The following ASTN2 variants were observed in gnomAD, a reference collection of about 807,000 sequenced individuals.
ASTN2 encodes the protein astrotactin-2.
ASTN2 carries 54 observed loss-of-function variants against 139.8 expected under a neutral mutation model. The observed-to-expected ratio is 0.39, with a 90% CI of 0.31 to 0.48. ASTN2 has a LOEUF of 0.48. ASTN2 is among the 20% of genes least tolerant of loss of function. ASTN2 has a pLI of 0.95. For missense variants in ASTN2, 1,565 were observed against 1,725.1 expected (o/e 0.91, Z 1.64); for synonymous variants, 756 against 719.5 (o/e 1.05, Z -0.81).
intron 5 of ASTN2, among the ~76,000 whole-genome samples, chr9:117,066,569 T>C (rs1251027932): frequency 6.6e-6 from 1 of 150,536 alleles, no homozygotes. Flanking sequence ...GTATTTCTAG[T>C]TCTAGATCCC....
At chr9:117,299,803 T>C (rs1834831703) in intron 1 of ASTN2, among the ~76,000 whole-genome samples, 1 of 152,158 alleles carries the variant, frequency 6.6e-6, no homozygotes, top group African/African-American at 2.4e-5. Context: ...GGTGAATGGG[T>C]GAATGGATGG....
At chr9:116,565,580 C>T (rs561475823) in intron 19 of ASTN2, among the ~76,000 whole-genome samples, 2 of 150,872 alleles carry the variant, frequency 1.3e-5, no homozygotes, top group African/African-American at 4.9e-5. Context: ...GTGATCTTCC[C>T]ACCTCAGCCT....
At chr9:117,205,307 G>T (rs1245845620) in intron 3 of ASTN2, among the ~76,000 whole-genome samples, 1 of 151,440 alleles carries the variant, frequency 6.6e-6, no homozygotes, top group Non-Finnish European at 1.5e-5. Context: ...AAGGACTGAG[G>T]TCTACACATA....
Position 116,733,403 on chromosome 9 carries a change from G to A in ASTN2, c.2517C>T (p.Leu839=), listed in dbSNP as rs1291592377. 30 of 1,614,072 alleles carry A rather than the reference G, an allele frequency of 1.9e-5. No individual in the cohort carries two copies. Among genetic ancestry groups the A allele is most frequent in the Non-Finnish European group, 2.4e-5 (28 of 1,179,982 alleles). Reference sequence around the variant, plus strand: ...GGTCTGGCACATGTGTCTTACCAGTGAGCAGTTGGAGGTCTGGAAGGGGCT... The same window carrying A: ...GGTCTGGCACATGTGTCTTACCAGTAAGCAGTTGGAGGTCTGGAAGGGGCT... ...LSEPLPDLQL[L]TGDIRYDEAM... is the part of the protein sequence containing the mutation. The change falls in exon 14 of 23, where the codon CTC becomes CTT. Residue 839 remains leucine, a synonymous_variant. Coordinates refer to ENST00000313400, the MANE Select transcript of ASTN2 (RefSeq NM_001365068.1).
chr9:117,121,438 C>T (rs73529089), intron 4 of ASTN2, among the ~76,000 whole-genome samples: 10,476 of 152,272 alleles, frequency 0.069, 630 homozygotes, highest in East Asian at 0.18. Context: ...TCACAGCTCA[C>T]ACCTCCAGGA....
intron 21 of ASTN2, among the ~76,000 whole-genome samples, chr9:116,441,010 G>A (rs1847824453): frequency 6.6e-6 from 1 of 152,094 alleles, no homozygotes; most frequent in Non-Finnish European, 1.5e-5. Flanking sequence ...AGGTGCATTG[G>A]GAGAGCTAAA....
At position 116,550,419 on chromosome 9, in the gene ASTN2, A is replaced by T. The variant is rs541191524; in HGVS notation, c.3356-62919T>A. On this transcript the variant is annotated intron_variant, in intron 19 of 22. Coordinates refer to ENST00000313400, the MANE Select transcript of ASTN2 (RefSeq NM_001365068.1). Reference sequence around the variant, plus strand: ...GAACATAGTGCCAGCTTTAAAAAACAGTTACTTTGCTGTTGTCATGAGTCA... The same window carrying T: ...GAACATAGTGCCAGCTTTAAAAAACTGTTACTTTGCTGTTGTCATGAGTCA... 2.0e-5 allele frequency among the ~76,000 whole-genome samples: 3 copies of T among 152,326 alleles called. No homozygotes were observed. The South Asian group carries it at 6.2e-4, about 32-fold the overall frequency.
intron 2 of ASTN2, among the ~76,000 whole-genome samples, chr9:117,269,888 T>C (rs10983596): frequency 6.6e-6 from 1 of 152,120 alleles, no homozygotes; most frequent in African/African-American, 2.4e-5. Context: ...TTGGGGCACA[T>C]ACTCTGCAAG....
At chr9:116,979,910 G>A (rs117730185) in intron 7 of ASTN2, among the ~76,000 whole-genome samples, 1 of 152,070 alleles carries the variant, frequency 6.6e-6, no homozygotes. Context: ...TCAGAAAAAG[G>A]GTGCTGCTAT....
chr9:117,041,570 T>C (rs144485233), intron 5 of ASTN2, among the ~76,000 whole-genome samples: 82 of 152,288 alleles, frequency 5.4e-4, no homozygotes, highest in African/African-American at 1.8e-3. Context: ...TTCTATTGTA[T>C]GTTTGCTTGT....
intron 16 of ASTN2, among the ~76,000 whole-genome samples, chr9:116,675,037 TAC>T (rs1859422208): frequency 6.6e-6 from 1 of 152,126 alleles, no homozygotes; most frequent in African/African-American, 2.4e-5. Context: ...CCTGGGCAGT[TAC>T]AAATTCAGGG....
At chr9:116,854,759 C>T (rs1832694806) in intron 11 of ASTN2, among the ~76,000 whole-genome samples, 1 of 150,974 alleles carries the variant, frequency 6.6e-6, no homozygotes, top group South Asian at 2.1e-4. Flanking sequence ...TCACGCCATT[C>T]TCCTGCCTCA....
At chr9:116,724,144 G>A (rs1203707361) in intron 16 of ASTN2, among the ~76,000 whole-genome samples, 1 of 152,200 alleles carries the variant, frequency 6.6e-6, no homozygotes, top group African/African-American at 2.4e-5. Context: ...TAGTTATGTA[G>A]CCACAGTGAG....
intron 3 of ASTN2, among the ~76,000 whole-genome samples, chr9:117,149,415 TTG>T (rs138834081): frequency 1.1e-4 from 16 of 150,774 alleles, no homozygotes; most frequent in South Asian, 6.3e-4. Context: ...TTGTGTGTGT[TTG>T]TGTGTGTGTG....
At chr9:116,511,991 G>GTC (rs1483977181) in intron 19 of ASTN2, among the ~76,000 whole-genome samples, 1 of 152,016 alleles carries the variant, frequency 6.6e-6, no homozygotes. Flanking sequence ...GGTTTTTCGT[G>GTC]TCTCTAACTC....
Position 117,214,555 on chromosome 9 carries a change from A to C in ASTN2, c.818T>G (p.Leu273Arg). ...QARESFRSSR[L>R]QTHNSVIGVP... ...GCCAATGACGGAATTGTGGGTTTGC[A>C]GCCGGGATGAACGGAAGCTCTCCCG... Residue 273 changes from leucine (L) to arginine (R), a missense_variant, in exon 3 of 23, where the codon CTG becomes CGG. This residue lies in a region of ASTN2 where 596 missense variants were observed against 576.8 expected (regional missense o/e 1.03). Coordinates refer to ENST00000313400, the MANE Select transcript of ASTN2 (RefSeq NM_001365068.1). The C allele has an allele frequency of 6.2e-7, 1 of 1,612,692 alleles. No homozygotes were observed. The highest frequency in any genetic ancestry group is 8.5e-7 in the Non-Finnish European group (1 of 1,178,724).
intron 16 of ASTN2, chr9:116,697,638 A>G: frequency 2.1e-6 from 3 of 1,427,002 alleles, no homozygotes; most frequent in Non-Finnish European, 2.9e-6. Flanking sequence ...AGGAAAATGA[A>G]TAATGGTTTC....
chr9:117,291,175 A>T, intron 2 of ASTN2, 151 bp downstream of exon 2: 1 of 1,032,048 alleles, frequency 9.7e-7, no homozygotes, highest in Non-Finnish European at 1.4e-6. Context: ...AAGTGACATC[A>T]CAGAATCCAT....
intron 19 of ASTN2, among the ~76,000 whole-genome samples, chr9:116,601,604 G>T (rs1854903930): frequency 6.6e-6 from 1 of 152,070 alleles, no homozygotes; most frequent in South Asian, 2.1e-4. Context: ...AAAATAGCTT[G>T]GTTATAAATT....
Sources: allele counts gnomAD v4.1 joint callset (sites outside exome capture counted in the v4.1 genomes callset), GRCh38; gene constraint gnomAD v4.1.1; regional missense constraint gnomAD v4.1.1; transcripts MANE v1.5; gene names NCBI Gene and HGNC (gene_info 2026-07-23, HGNC 2026-07-21).